SWAP70: variants seen among roughly 807,000 people sequenced by gnomAD.
The protein encoded by SWAP70 is switch-associated protein 70.
SWAP70 carries 34 observed loss-of-function variants against 80.2 expected under a neutral mutation model. The ratio of observed to expected loss-of-function variants is 0.42; its 90% CI spans 0.32 to 0.56. The LOEUF (loss-of-function observed/expected upper bound fraction) is 0.56. Among genes scored for constraint, SWAP70 ranks in the 20% least tolerant of loss-of-function variants. The probability of loss-of-function intolerance (pLI) is 0.09; values close to 1 mark genes in which losing one functional copy is unlikely to be tolerated. For missense variants in SWAP70, 578 were observed against 690.7 expected, an observed-to-expected ratio of 0.84 and a Z score of 1.83; for synonymous variants, 239 against 238.5, an observed-to-expected ratio of 1.00 and a Z score of -0.02.
chr11:9,703,661 G>A (rs1245129995), intron 2 of SWAP70, among the ~76,000 whole-genome samples: 1 of 152,176 alleles, frequency 6.6e-6, no homozygotes, highest in Admixed American at 6.6e-5. Flanking sequence ...TTTGGTGTCT[G>A]ATTCCCTCTC....
At chr11:9,711,885 C>T (rs1202114735) in intron 2 of SWAP70, among the ~76,000 whole-genome samples, 1 of 152,138 alleles carries the variant, frequency 6.6e-6, no homozygotes, top group African/African-American at 2.4e-5. Context: ...CACGAAGAGC[C>T]TTAGTTATAC....
chr11:9,732,027 A>G (rs1851304745), intron 6 of SWAP70, among the ~76,000 whole-genome samples: 1 of 152,224 alleles, frequency 6.6e-6, no homozygotes, highest in Non-Finnish European at 1.5e-5. Flanking sequence ...GTTACCTGTT[A>G]TCTCAGGAAG....
intron 2 of SWAP70, among the ~76,000 whole-genome samples, chr11:9,703,219 A>G (rs1047600862): frequency 6.6e-6 from 1 of 152,184 alleles, no homozygotes; most frequent in Admixed American, 6.6e-5. Context: ...ACTTAGCATA[A>G]TGTTTTCAGG....
At chr11:9,685,245 T>C (rs1185987372) in intron 1 of SWAP70, among the ~76,000 whole-genome samples, 1 of 152,030 alleles carries the variant, frequency 6.6e-6, no homozygotes, top group Non-Finnish European at 1.5e-5. Flanking sequence ...GCTTTGTGGG[T>C]GGCTCAGAGG....
At chr11:9,725,562 TATATA>T (rs1424146473) in intron 4 of SWAP70, among the ~76,000 whole-genome samples, 460 of 20,608 alleles carry the variant, frequency 0.022, 4 homozygotes, top group East Asian at 0.046. Flanking sequence ...TATATATATA[TATATA>T]TATTTTTTTT....
chr11:9,730,927 C>T (rs12285985), intron 6 of SWAP70, among the ~76,000 whole-genome samples: 3,587 of 152,300 alleles, frequency 0.024, 145 homozygotes, highest in African/African-American at 0.081. Context: ...CCTCTTCCCC[C>T]GTCTCTACCT....
At chr11:9,749,489 G>A (rs1261082584) in intron 11 of SWAP70, among the ~76,000 whole-genome samples, 8 of 152,052 alleles carry the variant, frequency 5.3e-5, no homozygotes, top group Admixed American at 2.6e-4. Flanking sequence ...CTCGTGATCC[G>A]CCCGCCTCAG....
At chr11:9,744,834 G>A (rs1485735297) in intron 9 of SWAP70, among the ~76,000 whole-genome samples, 1 of 152,156 alleles carries the variant, frequency 6.6e-6, no homozygotes, top group African/African-American at 2.4e-5. Flanking sequence ...AGGAGGTAGA[G>A]GTTGCAGTGA....
rs534021042 is a variant in SWAP70 at position 9,717,044 on chromosome 11, C to T, written c.414+3405C>T. Among the ~76,000 whole-genome samples, 159 of 152,266 alleles carry T rather than the reference C, an allele frequency of 1.0e-3. 1 individual carries two copies. Among genetic ancestry groups the T allele is most frequent in the African/African-American group, 3.7e-3 (153 of 41,566 alleles). On this transcript the variant is annotated intron_variant, in intron 3 of 11. Transcript: ENST00000318950. ...CATTAGATGCTATGGAAAAATTAGA[C>T]AATGGTAAGTGAGAAGTTGCCCTTG...
At chr11:9,685,708 A>T (rs1565115070) in intron 1 of SWAP70, among the ~76,000 whole-genome samples, 1 of 151,702 alleles carries the variant, frequency 6.6e-6, no homozygotes, top group African/African-American at 2.4e-5. Flanking sequence ...ATTTCTGCTC[A>T]CTGCAATCTC....
intron 2 of SWAP70, among the ~76,000 whole-genome samples, chr11:9,707,900 T>C (rs1181274331): frequency 6.6e-6 from 1 of 152,192 alleles, no homozygotes; most frequent in Non-Finnish European, 1.5e-5. Context: ...TTTTAAACTT[T>C]AATAGTTTTG....
At chr11:9,692,782 G>A (rs1329681668) in intron 1 of SWAP70, among the ~76,000 whole-genome samples, 1 of 152,060 alleles carries the variant, frequency 6.6e-6, no homozygotes, top group East Asian at 1.9e-4. Context: ...TGTGGTGCAG[G>A]ATTCTCCAAT....
At chr11:9,685,044 A>G (rs922779603) in intron 1 of SWAP70, among the ~76,000 whole-genome samples, 2 of 151,910 alleles carry the variant, frequency 1.3e-5, no homozygotes, top group East Asian at 3.9e-4. Flanking sequence ...TTTGTGCAAT[A>G]TTTCACTGGG....
chr11:9,672,321 T>TGACATCA (rs1850428801), intron 1 of SWAP70, among the ~76,000 whole-genome samples: 1 of 147,160 alleles, frequency 6.8e-6, no homozygotes, highest in East Asian at 2.0e-4. Flanking sequence ...CTTGGAATAT[T>TGACATCA]GACATCATCT....
chr11:9,715,745 A>G (rs960349576), intron 3 of SWAP70, among the ~76,000 whole-genome samples: 4 of 152,174 alleles, frequency 2.6e-5, no homozygotes, highest in African/African-American at 9.6e-5. Context: ...ACCTGCCCCC[A>G]TGATTCAGTT....
rs1240465312 is a variant in SWAP70, at chr11:9,748,064, G to A, written c.1554+8G>A. 4.3e-6 allele frequency: 7 copies of A among 1,610,508 alleles called. No homozygotes were observed. The highest frequency in any genetic ancestry group is 1.7e-5 in the Admixed American group (1 of 59,740). On this transcript the variant is annotated splice_region_variant and intron_variant, in intron 10 of 11. Transcript: ENST00000318950. ...GCACTTGAGCAGTACGAGGTAATGAGACTTGGCCCTGCAAACTTGTATATT... is the reference window on the plus strand; with the variant it reads ...GCACTTGAGCAGTACGAGGTAATGAAACTTGGCCCTGCAAACTTGTATATT...
chr11:9,723,610 A>G (rs1348079169), intron 3 of SWAP70, among the ~76,000 whole-genome samples: 1 of 152,146 alleles, frequency 6.6e-6, no homozygotes, highest in African/African-American at 2.4e-5. Flanking sequence ...CGGGGAAGCC[A>G]TTTGGAAAGT....
chr11:9,733,000 A>C (rs927783111), intron 7 of SWAP70, among the ~76,000 whole-genome samples: 1 of 152,178 alleles, frequency 6.6e-6, no homozygotes, highest in African/African-American at 2.4e-5. Context: ...GGGAAATTTC[A>C]TTCCCTTGAG....
chr11:9,744,761 A>G (rs1261561419), intron 9 of SWAP70, among the ~76,000 whole-genome samples: 1 of 152,090 alleles, frequency 6.6e-6, no homozygotes, highest in Non-Finnish European at 1.5e-5. Flanking sequence ...TACAAAAATT[A>G]GCTGGGCGTG....
Sources: gnomAD v4.1 joint callset for allele counts (sites outside exome capture counted in the v4.1 genomes callset) on GRCh38, gnomAD v4.1.1 for gene constraint, MANE v1.5 for transcripts, NCBI Gene and HGNC (gene_info 2026-07-23, HGNC 2026-07-21) for gene names.